Variants in SPHKAP observed in about 807,000 individuals in gnomAD.
SPHKAP encodes SPHK1 interactor, AKAP domain containing.
SPHKAP carries 67 observed loss-of-function variants against 137.5 expected under a neutral mutation model. The observed-to-expected ratio is 0.49, with a 90% CI of 0.40 to 0.60. The LOEUF (loss-of-function observed/expected upper bound fraction) is 0.60, where lower values mean the gene tolerates loss of function less well. SPHKAP is among the 20% of genes least tolerant of loss of function. The pLI, the probability that SPHKAP is intolerant of heterozygous loss-of-function variation, is 0.00. For missense variants in SPHKAP, 2,097 were observed against 2,069.3 expected (o/e 1.01, Z -0.26); for synonymous variants, 813 against 785.3 (o/e 1.04, Z -0.59).
intron 3 of SPHKAP, among the ~76,000 whole-genome samples, chr2:228,047,807 C>G (rs1481006034): frequency 6.6e-6 from 1 of 152,128 alleles, no homozygotes; most frequent in Non-Finnish European, 1.5e-5. Flanking sequence ...AAGACAGACT[C>G]CAGTGAGTGC....
intron 3 of SPHKAP, among the ~76,000 whole-genome samples, chr2:228,104,401 T>C (rs1489747440): frequency 7.5e-6 from 1 of 132,484 alleles, no homozygotes; most frequent in East Asian, 2.2e-4. Flanking sequence ...AATATATAAT[T>C]CAAATTATTC....
intron 3 of SPHKAP, among the ~76,000 whole-genome samples, chr2:228,071,385 G>T (rs1697000562): frequency 6.6e-6 from 1 of 152,144 alleles, no homozygotes; most frequent in South Asian, 2.1e-4. Flanking sequence ...GCTGCTTCTT[G>T]GTCTGCAGGA....
At chr2:228,136,742 G>A (rs774688943) in intron 1 of SPHKAP, among the ~76,000 whole-genome samples, 12 of 152,192 alleles carry the variant, frequency 7.9e-5, no homozygotes, top group East Asian at 1.9e-4. Flanking sequence ...AAACACTTAC[G>A]TAACATATTA....
chr2:228,124,971 G>A (rs1444120210), intron 2 of SPHKAP, among the ~76,000 whole-genome samples: 1 of 152,126 alleles, frequency 6.6e-6, no homozygotes, highest in Non-Finnish European at 1.5e-5. Context: ...TTAAAGGGGG[G>A]AATCATGACC....
chr2:228,144,487 AT>A (rs1295810226), intron 1 of SPHKAP, among the ~76,000 whole-genome samples: 50 of 152,274 alleles, frequency 3.3e-4, no homozygotes, highest in Non-Finnish European at 6.2e-4. Context: ...AAACATGAAA[AT>A]GTTAATAGCA....
intron 11 of SPHKAP, among the ~76,000 whole-genome samples, chr2:227,990,038 A>G (rs1325855885): frequency 2.6e-5 from 4 of 152,206 alleles, no homozygotes; most frequent in African/African-American, 9.6e-5. Flanking sequence ...GCCTCTGGGC[A>G]CTGAGAGCAG....
At chr2:228,020,536 G>C (rs1411301678) in intron 6 of SPHKAP, among the ~76,000 whole-genome samples, 3 of 152,130 alleles carry the variant, frequency 2.0e-5, no homozygotes, top group Non-Finnish European at 2.9e-5. Context: ...CTTGGATGCA[G>C]GGTGGGGAAC....
chr2:227,994,748 T>G (rs1005248791), intron 8 of SPHKAP, among the ~76,000 whole-genome samples: 1 of 152,208 alleles, frequency 6.6e-6, no homozygotes, highest in African/African-American at 2.4e-5. Context: ...CTTGTAATAC[T>G]TTCCGCTAGT....
intron 1 of SPHKAP, among the ~76,000 whole-genome samples, chr2:228,159,711 A>G (rs756707741): frequency 6.6e-6 from 1 of 152,202 alleles, no homozygotes; most frequent in Non-Finnish European, 1.5e-5. Flanking sequence ...AAGTTTGGCC[A>G]AACTGAGGGA....
intron 1 of SPHKAP, among the ~76,000 whole-genome samples, chr2:228,137,964 C>T (rs1420745621): frequency 6.6e-6 from 1 of 152,234 alleles, no homozygotes; most frequent in Non-Finnish European, 1.5e-5. Flanking sequence ...TGTCTCCTAT[C>T]TTCCTCTTCT....
chr2:228,001,161 A>G (rs933552638), intron 7 of SPHKAP, among the ~76,000 whole-genome samples: 1 of 150,962 alleles, frequency 6.6e-6, no homozygotes, highest in Non-Finnish European at 1.5e-5. Flanking sequence ...ATATGCTTAT[A>G]TGCTATCCAT....
chr2:228,042,822 G>A (rs1695902646), intron 3 of SPHKAP, among the ~76,000 whole-genome samples: 1 of 152,094 alleles, frequency 6.6e-6, no homozygotes, highest in Non-Finnish European at 1.5e-5. Context: ...TTATGTATAA[G>A]AACCAAATGT....
intron 3 of SPHKAP, among the ~76,000 whole-genome samples, chr2:228,100,016 A>C (rs887123834): frequency 1.2e-4 from 18 of 151,824 alleles, no homozygotes; most frequent in African/African-American, 4.1e-4. Context: ...CGCCTGGCTA[A>C]TTTTTTTGTA....
intron 1 of SPHKAP, among the ~76,000 whole-genome samples, chr2:228,153,017 G>T (rs1559202932): frequency 6.6e-6 from 1 of 152,100 alleles, no homozygotes; most frequent in Non-Finnish European, 1.5e-5. Context: ...GTTTTATAAG[G>T]GGTTTCCCCT....
chr2:228,032,711 G>C (rs1468461162), intron 3 of SPHKAP, among the ~76,000 whole-genome samples: 1 of 152,170 alleles, frequency 6.6e-6, no homozygotes, highest in East Asian at 1.9e-4. Flanking sequence ...GAAAAGAGTA[G>C]GGACCAATAT....
intron 3 of SPHKAP, among the ~76,000 whole-genome samples, chr2:228,097,440 G>A (rs2106334261): frequency 6.6e-6 from 1 of 152,110 alleles, no homozygotes; most frequent in South Asian, 2.1e-4. Context: ...GGGGACCCTG[G>A]GACATGCAGA....
chr2:228,011,447 G>C (rs1397276583), intron 7 of SPHKAP, among the ~76,000 whole-genome samples: 1 of 152,218 alleles, frequency 6.6e-6, no homozygotes, highest in African/African-American at 2.4e-5. Flanking sequence ...CAAGCACAGA[G>C]TCAGCTTTAA....
intron 3 of SPHKAP, among the ~76,000 whole-genome samples, chr2:228,084,216 G>C (rs1043959018): frequency 1.3e-5 from 2 of 151,964 alleles, no homozygotes; most frequent in African/African-American, 4.8e-5. Context: ...GAAAATCCAA[G>C]CCCATTTCAT....
rs1415389182 is a variant in SPHKAP at position 228,181,408 on chromosome 2, G to A, written c.32+159C>T. ...TGACAGGGTCCCCTGTAGCTCCAGCGAGGCTGGGCCGGACTTATTTACAAG... is the reference window on the plus strand; with the variant it reads ...TGACAGGGTCCCCTGTAGCTCCAGCAAGGCTGGGCCGGACTTATTTACAAG... On this transcript the variant is annotated intron_variant, in intron 1 of 11. Coordinates refer to ENST00000392056, the MANE Select transcript of SPHKAP (RefSeq NM_001142644.2). The surrounding 1 kb of genome is among the most constrained non-coding windows in gnomAD (Gnocchi z 4.3). 1.3e-5 allele frequency among the ~76,000 whole-genome samples: 2 copies of A among 152,146 alleles called. No individual in the cohort carries two copies. The highest frequency in any genetic ancestry group is 2.1e-4 in the South Asian group (1 of 4,822).
Sources: gnomAD v4.1 joint callset for allele counts (sites outside exome capture counted in the v4.1 genomes callset) on GRCh38, gnomAD v4.1.1 for gene constraint, Gnocchi (gnomAD v3.1) non-coding constraint, MANE v1.5 for transcripts, NCBI Gene and HGNC (gene_info 2026-07-23, HGNC 2026-07-21) for gene names.